ZNF2: variants seen among roughly 807,000 people sequenced by gnomAD.
The protein encoded by ZNF2 is zinc finger protein 2.2.
Under a neutral mutation model 21.9 loss-of-function variants are expected in ZNF2, and 12 were observed. The observed-to-expected ratio is 0.55, with a 90% CI of 0.35 to 0.89. The LOEUF (loss-of-function observed/expected upper bound fraction) is 0.89, where lower values mean the gene tolerates loss of function less well. Ranked by LOEUF, ZNF2 falls within the 40% of genes least tolerant of loss-of-function variation. ZNF2 has a pLI of 0.01. For synonymous variants in ZNF2, 186 were observed against 196.3 expected (o/e 0.95, Z 0.44); for missense variants, 462 against 544.2 (o/e 0.85, Z 1.50).
chr2:95,168,211 G>A (rs575674501), intron 1 of ZNF2, among the ~76,000 whole-genome samples: 205 of 152,112 alleles, frequency 1.3e-3, no homozygotes, highest in Non-Finnish European at 2.3e-3. Context: ...CAGATCATGA[G>A]GTCAAGAGAT....
intron 2 of ZNF2, among the ~76,000 whole-genome samples, chr2:95,177,127 A>G (rs1281735609): frequency 6.6e-6 from 1 of 152,260 alleles, no homozygotes; most frequent in Non-Finnish European, 1.5e-5. Context: ...AAAAGATAGG[A>G]GAATGTGTAT....
chr2:95,170,882 A>G (rs1375021095), intron 1 of ZNF2, among the ~76,000 whole-genome samples: 1 of 152,208 alleles, frequency 6.6e-6, no homozygotes, highest in Non-Finnish European at 1.5e-5. Context: ...TTCTGTATCT[A>G]GAATTACCTG....
rs1479125497 is a variant in ZNF2, at chr2:95,182,009, A to G, written c.1181A>G (p.Glu394Gly). ...CGGCATCAGCGTGTCCACACGGGAG[A>G]GAAGCCCTTTGAATGCACTGTGTGT... is the stretch of plus-strand genomic sequence containing the variant. ...LTRHQRVHTG[E>G]KPFECTVCGK... is the part of the protein sequence containing the mutation. The change falls in exon 5 of 5, where the codon GAG (glutamate) becomes GGG (glycine). Residue 394 changes from glutamate to glycine, a missense_variant. By Grantham distance (98) the Glu-to-Gly change is moderately conservative (BLOSUM62 -2). Coordinates refer to ENST00000614034, the MANE Select transcript of ZNF2 (RefSeq NM_021088.4). The G allele has an allele frequency of 6.2e-7, 1 of 1,614,164 alleles. No homozygotes were observed. Among genetic ancestry groups the G allele is most frequent in the African/African-American group, 1.3e-5 (1 of 74,954 alleles).
chr2:95,179,613 T>C (rs1413096804), intron 3 of ZNF2, among the ~76,000 whole-genome samples: 1 of 151,598 alleles, frequency 6.6e-6, no homozygotes, highest in Non-Finnish European at 1.5e-5. Flanking sequence ...AATAAACACG[T>C]GAATCTACAC....
rs771838923 is a variant in ZNF2, at chr2:95,177,629, G to C, written c.160+20G>C. 1.2e-6 allele frequency: 2 copies of C among 1,612,654 alleles called. No homozygotes were observed. Among genetic ancestry groups the C allele is most frequent in the South Asian group, 2.2e-5 (2 of 90,914 alleles). On this transcript the variant is annotated intron_variant, in intron 3 of 4. Coordinates refer to ENST00000614034, the MANE Select transcript of ZNF2 (RefSeq NM_021088.4). ...CATTGGGTAAGGGGAGCCTCCATGA[G>C]GAGGTACAGTCTGTACTATGCTAAT...
At chr2:95,173,788 A>G (rs1674356383) in intron 1 of ZNF2, among the ~76,000 whole-genome samples, 1 of 152,228 alleles carries the variant, frequency 6.6e-6, no homozygotes, top group Non-Finnish European at 1.5e-5. Context: ...GGCTCACTGC[A>G]ACCTCCGCCT....
rs553198287 is a variant in ZNF2, at chr2:95,168,413, A to T, written c.-40+2553A>T. 2.8e-5 allele frequency among the ~76,000 whole-genome samples: 4 copies of T among 145,206 alleles called. No individual in the cohort carries two copies. The East Asian group carries it at 7.9e-4, about 29-fold the overall frequency. ...GCACTCCAGCCTGGGCGACAGAGCC[A>T]GACTCCGTCTCAAAAAAAAAAAAAA... is the stretch of plus-strand genomic sequence containing the variant. On this transcript the variant is annotated intron_variant, in intron 1 of 4. Transcript: ENST00000614034.
At chr2:95,176,930 A>G (rs546554446) in intron 2 of ZNF2, among the ~76,000 whole-genome samples, 53 of 148,236 alleles carry the variant, frequency 3.6e-4, no homozygotes, top group African/African-American at 1.1e-3. Context: ...AAAAAAAAAA[A>G]GACAATTGGT....
Position 95,177,477 on chromosome 2 carries a change from T to C in ZNF2, c.34-6T>C. 6.2e-7 allele frequency: 1 copy of C among 1,613,428 alleles called. No homozygotes were observed. Among genetic ancestry groups the C allele is most frequent in the Non-Finnish European group, 8.5e-7 (1 of 1,179,610 alleles). On this transcript the variant is annotated splice_polypyrimidine_tract_variant and splice_region_variant and intron_variant, in intron 2 of 4. Transcript: ENST00000614034. ...AGAGTAAGGGAGAATGTGATTGTATTTTCAGGAATCAGTGACATTCGAAGA... is the reference window on the plus strand; with the variant it reads ...AGAGTAAGGGAGAATGTGATTGTATCTTCAGGAATCAGTGACATTCGAAGA...
chr2:95,175,527 T>C (rs1674411871), intron 1 of ZNF2, among the ~76,000 whole-genome samples: 1 of 152,224 alleles, frequency 6.6e-6, no homozygotes, highest in Non-Finnish European at 1.5e-5. Flanking sequence ...CCCCGATCCT[T>C]GTGGCTGCTT....
rs2104513557 is a variant in ZNF2, at chr2:95,183,355, A to G, written c.*1249A>G. On this transcript the variant is annotated 3_prime_UTR_variant, in exon 5 of 5. Transcript: ENST00000614034. Reference sequence around the variant, plus strand: ...TAATAAGCCAGAACCCAGCACCTAGAAGCTAGGAAAGTAAACAAGCACCTC... The same window carrying G: ...TAATAAGCCAGAACCCAGCACCTAGGAGCTAGGAAAGTAAACAAGCACCTC... 6.6e-6 allele frequency: 1 copy of G among 152,298 alleles called. No individual in the cohort carries two copies. The highest frequency in any genetic ancestry group is 1.9e-4 in the East Asian group (1 of 5,180). 9.4% of individuals were successfully genotyped at this position (152,298 alleles called of 1,614,324 possible).
chr2:95,177,485 A>C lies in ZNF2; in HGVS notation c.36A>C (p.Glu12Asp). The C allele has an allele frequency of 1.9e-6, 3 of 1,613,768 alleles. No individual in the cohort carries two copies. The highest frequency in any genetic ancestry group is 2.5e-6 in the Non-Finnish European group (3 of 1,179,804). Residue 12 changes from glutamate (E) to aspartate (D), a missense_variant and splice_region_variant, in exon 3 of 5, where the codon GAA becomes GAC. Glu to Asp is a conservative substitution (Grantham distance 45). Coordinates refer to ENST00000614034, the MANE Select transcript of ZNF2 (RefSeq NM_021088.4). Reference sequence around the variant, plus strand: ...GGAGAATGTGATTGTATTTTCAGGAATCAGTGACATTCGAAGACGTTGCCG... The same window carrying C: ...GGAGAATGTGATTGTATTTTCAGGACTCAGTGACATTCGAAGACGTTGCCG... Reference protein sequence around the residue: ...AAVSPTTRCQESVTFEDVAVV... With the variant: ...AAVSPTTRCQDSVTFEDVAVV...
At chr2:95,166,017 G>A (rs1199674686) in intron 1 of ZNF2, among the ~76,000 whole-genome samples, 157 bp downstream of exon 1, 1 of 152,154 alleles carries the variant, frequency 6.6e-6, no homozygotes, top group African/African-American at 2.4e-5. Context: ...GGTGCGGACG[G>A]AAAGTTGTGC....
chr2:95,168,165 G>A (rs1342122763), intron 1 of ZNF2, among the ~76,000 whole-genome samples: 1 of 151,900 alleles, frequency 6.6e-6, no homozygotes, highest in East Asian at 1.9e-4. Flanking sequence ...TGTGGCTCAT[G>A]CCTGTAATCC....
intron 1 of ZNF2, among the ~76,000 whole-genome samples, chr2:95,169,837 A>G (rs1674213744): frequency 6.6e-6 from 1 of 152,162 alleles, no homozygotes; most frequent in South Asian, 2.1e-4. Context: ...ATTACTTATT[A>G]CATTACATTA....
At chr2:95,171,865 T>C (rs1412702112) in intron 1 of ZNF2, among the ~76,000 whole-genome samples, 1 of 152,120 alleles carries the variant, frequency 6.6e-6, no homozygotes, top group African/African-American at 2.4e-5. Flanking sequence ...TGTGTTGGGG[T>C]CCCCAGGATC....
intron 1 of ZNF2, among the ~76,000 whole-genome samples, chr2:95,175,977 A>G (rs550481721): frequency 1.0e-3 from 154 of 152,328 alleles, no homozygotes; most frequent in African/African-American, 3.5e-3. Flanking sequence ...AACCACCACC[A>G]CATTGTGGTC....
intron 1 of ZNF2, among the ~76,000 whole-genome samples, chr2:95,174,807 GTC>G (rs1384608949): frequency 6.6e-6 from 1 of 152,224 alleles, no homozygotes; most frequent in Non-Finnish European, 1.5e-5. Context: ...CAAAGACAGT[GTC>G]TGACAGTTTT....
At chr2:95,168,660 T>G (rs1330933894) in intron 1 of ZNF2, among the ~76,000 whole-genome samples, 2 of 152,232 alleles carry the variant, frequency 1.3e-5, no homozygotes, top group Non-Finnish European at 2.9e-5. Context: ...GGAAGAGAAC[T>G]TTATTTGTTG....
Sources: allele counts gnomAD v4.1 joint callset (sites outside exome capture counted in the v4.1 genomes callset), GRCh38; gene constraint gnomAD v4.1.1; transcripts MANE v1.5; gene names NCBI Gene and HGNC (gene_info 2026-07-23, HGNC 2026-07-21).